The following CCDC82 variants were observed in gnomAD, a reference collection of about 807,000 sequenced individuals.
The protein encoded by CCDC82 is coiled-coil domain-containing protein 82.
CCDC82 carries 47 observed loss-of-function variants against 60.6 expected under a neutral mutation model. The observed-to-expected ratio is 0.77, with a 90% CI of 0.61 to 0.99. The LOEUF (loss-of-function observed/expected upper bound fraction) is 0.99. CCDC82 is among the 50% of genes least tolerant of loss of function. The probability of loss-of-function intolerance (pLI) is 0.00; values close to 1 mark genes in which losing one functional copy is unlikely to be tolerated. For missense variants in CCDC82, 588 were observed against 633.0 expected (o/e 0.93, Z 0.76); for synonymous variants, 212 against 207.4 (o/e 1.02, Z -0.19).
chr11:96,368,904 T>G (rs951942918), intron 7 of CCDC82, among the ~76,000 whole-genome samples: 4 of 152,072 alleles, frequency 2.6e-5, no homozygotes, highest in African/African-American at 9.6e-5. Context: ...CAAAAGACCA[T>G]TTTGTCTACT....
At chr11:96,355,063 G>A (rs1591153384) in intron 9 of CCDC82, 1 of 152,120 alleles carries the variant, frequency 6.6e-6, no homozygotes, top group African/African-American at 2.4e-5. Context: ...GGACTACTTA[G>A]GAATTTTCTT....
intron 7 of CCDC82, among the ~76,000 whole-genome samples, chr11:96,369,624 A>G (rs942709325): frequency 6.6e-6 from 1 of 152,180 alleles, no homozygotes; most frequent in African/African-American, 2.4e-5. Context: ...TCAAACAATT[A>G]TAATAGTAAC....
At position 96,359,145 on chromosome 11, in the gene CCDC82, T is replaced by A; in HGVS notation, c.1414A>T (p.Thr472Ser). ...FTVGRICASR[T>S]RIYHKLKHFK... ...TGTTTCAGTTTATGATAAATTCTGG[T>A]ACGGCTGGCACAAATTCTGCCAACA... is the stretch of plus-strand genomic sequence containing the variant. The change falls in exon 9 of 10, where the codon ACC becomes TCC. Residue 472 changes from threonine to serine, a missense_variant. Coordinates refer to ENST00000646818, the MANE Select transcript of CCDC82 (RefSeq NM_024725.4). 1.3e-6 allele frequency: 2 copies of A among 1,586,458 alleles called. No homozygotes were observed. The highest frequency in any genetic ancestry group is 1.7e-6 in the Non-Finnish European group (2 of 1,172,116).
In CCDC82 at chr11:96,383,993, C is replaced by T. The variant is rs118069802; in HGVS notation, c.755G>A (p.Arg252His). Residue 252 changes from arginine to histidine, a missense_variant, in exon 4 of 10, where the codon CGT (arginine) becomes CAT (histidine). Transcript: ENST00000646818. ...ATCTCTACCACTACTGCGTCTCTGA[C>T]GAGATCTTTGTTTTGAGAGTTCTTT... The part of the protein sequence containing the change: ...KLKELSKQRS[R>H]QRRSSGRDFE... 109 of 1,613,046 alleles carry T rather than the reference C, an allele frequency of 6.8e-5. 1 individual carries two copies. The South Asian group carries it at 8.7e-4, about 13-fold the overall frequency.
intron 6 of CCDC82, among the ~76,000 whole-genome samples, chr11:96,371,705 G>A (rs1865286033): frequency 6.6e-6 from 1 of 152,202 alleles, no homozygotes; most frequent in South Asian, 2.1e-4. Context: ...ATTAGCCCCT[G>A]AATTCCAGAT....
At chr11:96,383,513 T>C in intron 4 of CCDC82, 40 bp from the exon 5 acceptor site, 1 of 1,299,152 alleles carries the variant, frequency 7.7e-7, no homozygotes, top group African/African-American at 1.5e-5. Flanking sequence ...AATGGTGCTA[T>C]TAAAACGGTA....
At chr11:96,356,607 T>C (rs757624046) in intron 9 of CCDC82, 49 of 978,636 alleles carry the variant, frequency 5.0e-5, no homozygotes, top group Non-Finnish European at 5.9e-5. Flanking sequence ...TATTAGAGTA[T>C]GTTATTGAAC....
At chr11:96,379,119 C>T (rs1865736616) in intron 5 of CCDC82, among the ~76,000 whole-genome samples, 1 of 151,846 alleles carries the variant, frequency 6.6e-6, no homozygotes, top group African/African-American at 2.4e-5. Flanking sequence ...GGAATACTAG[C>T]CTAATTACAA....
Position 96,384,430 on chromosome 11 carries a change from AC to A in CCDC82, c.317del (p.Gly106ValfsTer25). 1 of 1,613,766 alleles carries A rather than the reference AC, an allele frequency of 6.2e-7. No homozygotes were observed. Among genetic ancestry groups the A allele is most frequent in the South Asian group, 1.1e-5 (1 of 91,066 alleles). On this transcript the variant is annotated frameshift_variant, in exon 4 of 10. Coordinates refer to ENST00000646818, the MANE Select transcript of CCDC82 (RefSeq NM_024725.4). LOFTEE classifies it high-confidence loss of function. ...DSKCLINSGNGSTYEEETNKI... is the reference protein window; with the variant it reads ...DSKCLINSGNXSTYEEETNKI... ...TGTTCGTTTCTTCTTCATATGTTGA[AC>A]CGTTGCCAGAGTTAATGAGACACTT...
At chr11:96,368,343 A>C (rs1865061726) in intron 7 of CCDC82, among the ~76,000 whole-genome samples, 1 of 152,144 alleles carries the variant, frequency 6.6e-6, no homozygotes, top group African/African-American at 2.4e-5. Flanking sequence ...AAAAATATTC[A>C]GTAAACTATG....
At position 96,371,044 on chromosome 11, in the gene CCDC82, A is replaced by C; in HGVS notation, c.1178T>G (p.Val393Gly). 6.2e-7 allele frequency: 1 copy of C among 1,601,990 alleles called. No individual in the cohort carries two copies. Residue 393 changes from valine to glycine, a missense_variant, in exon 7 of 10, where the codon GTA (valine) becomes GGA (glycine). Val to Gly is a moderately radical substitution (Grantham distance 109). Coordinates refer to ENST00000646818, the MANE Select transcript of CCDC82 (RefSeq NM_024725.4). ...RFVQPRLESLVSRSRWKEQYK... is the reference protein window; with the variant it reads ...RFVQPRLESLGSRSRWKEQYK... ...TTGCTCTTTCCAACGACTTCTAGATACCAAGCTCTCTAGACGAGGCTGAAC... is the reference window on the plus strand; with the variant it reads ...TTGCTCTTTCCAACGACTTCTAGATCCCAAGCTCTCTAGACGAGGCTGAAC...
chr11:96,360,165 T>C (rs1864570226), intron 8 of CCDC82, among the ~76,000 whole-genome samples: 1 of 146,560 alleles, frequency 6.8e-6, no homozygotes, highest in African/African-American at 2.5e-5. Flanking sequence ...AATATTTACA[T>C]ATTAAAATAT....
rs1176187319 is a variant in CCDC82 at position 96,389,853 on chromosome 11, C to G, written c.-148G>C. The G allele has an allele frequency of 2.0e-5, 3 of 153,662 alleles. No homozygotes were observed. The highest frequency in any genetic ancestry group is 4.3e-5 in the Non-Finnish European group (3 of 69,244). 9.5% of individuals were successfully genotyped at this position (153,662 alleles called of 1,614,324 possible). On this transcript the variant is annotated 5_prime_UTR_variant, in exon 1 of 10. Transcript: ENST00000646818. ...GCCCTCGCGCTCTCACCTTTCAAAG[C>G]GCCTCCACCTCTGCCTCCGCCTCCG...
intron 7 of CCDC82, among the ~76,000 whole-genome samples, chr11:96,368,115 T>C (rs1036087116): frequency 2.2e-4 from 33 of 152,080 alleles, no homozygotes; most frequent in African/African-American, 3.1e-4. Context: ...CCACCACACC[T>C]GGCCTGGAAT....
At chr11:96,372,569 T>C (rs753349668) in intron 6 of CCDC82, among the ~76,000 whole-genome samples, 12 of 149,700 alleles carry the variant, frequency 8.0e-5, no homozygotes, top group Admixed American at 6.7e-4. Flanking sequence ...CAACACAATA[T>C]ATTTATAGTC....
chr11:96,373,177 T>G (rs1865376777), intron 6 of CCDC82, among the ~76,000 whole-genome samples, 198 bp downstream of exon 6: 2 of 152,214 alleles, frequency 1.3e-5, no homozygotes, highest in African/African-American at 4.8e-5. Context: ...ACCTTCCACA[T>G]ATCTCAGATA....
chr11:96,356,345 TTA>T, intron 9 of CCDC82: 1 of 620,958 alleles, frequency 1.6e-6, no homozygotes, highest in Non-Finnish European at 2.0e-6. Context: ...TTTTAAATTA[TTA>T]TGTATATGAC....
intron 7 of CCDC82, among the ~76,000 whole-genome samples, chr11:96,365,516 A>T (rs1412703330): frequency 6.6e-6 from 1 of 152,216 alleles, no homozygotes; most frequent in African/African-American, 2.4e-5. Context: ...AATAATTCCA[A>T]GTAGGCTAGT....
chr11:96,383,997 A>T lies in CCDC82; in HGVS notation c.751T>A (p.Ser251Thr). 4 of 1,613,206 alleles carry T rather than the reference A, an allele frequency of 2.5e-6. No individual in the cohort carries two copies. ...CTACCACTACTGCGTCTCTGACGAG[A>T]TCTTTGTTTTGAGAGTTCTTTGAGC... The part of the protein sequence containing the change: ...QKLKELSKQR[S>T]RQRRSSGRDF... The change falls in exon 4 of 10, where the codon TCT (serine) becomes ACT (threonine). Residue 251 changes from serine (S) to threonine (T), a missense_variant. Coordinates refer to ENST00000646818, the MANE Select transcript of CCDC82 (RefSeq NM_024725.4).
Sources: gnomAD v4.1 joint callset for allele counts (sites outside exome capture counted in the v4.1 genomes callset) on GRCh38, gnomAD v4.1.1 for gene constraint, MANE v1.5 for transcripts, NCBI Gene and HGNC (gene_info 2026-07-23, HGNC 2026-07-21) for gene names.